The following SNTG1 variants were observed in gnomAD, a reference collection of about 807,000 sequenced individuals.
SNTG1 encodes the protein syntrophin gamma 1, also known as gamma-1-syntrophin.
SNTG1 carries 39 observed loss-of-function variants against 74.7 expected under a neutral mutation model. The ratio of observed to expected loss-of-function variants is 0.52; its 90% CI spans 0.40 to 0.68. The LOEUF (loss-of-function observed/expected upper bound fraction) is 0.68. Ranked by LOEUF, SNTG1 falls within the 30% of genes least tolerant of loss-of-function variation. The pLI, the probability that SNTG1 is intolerant of heterozygous loss-of-function variation, is 0.00. For synonymous variants in SNTG1, 254 were observed against 217.1 expected, an observed-to-expected ratio of 1.17 and a Z score of -1.49; for missense variants, 685 against 609.5, an observed-to-expected ratio of 1.12 and a Z score of -1.30.
intron 15 of SNTG1, among the ~76,000 whole-genome samples, chr8:50,660,829 A>G (rs1011580740): frequency 6.6e-6 from 1 of 152,184 alleles, no homozygotes; most frequent in Non-Finnish European, 1.5e-5. Flanking sequence ...AATATGTTCT[A>G]TCTCTTTGTT....
chr8:50,687,152 A>AT (rs1175854281), intron 15 of SNTG1, among the ~76,000 whole-genome samples: 1 of 146,324 alleles, frequency 6.8e-6, no homozygotes, highest in Non-Finnish European at 1.5e-5. Flanking sequence ...AAAAAAAAAA[A>AT]ATAAAATAAA....
intron 16 of SNTG1, among the ~76,000 whole-genome samples, chr8:50,705,075 T>G (rs2095438902): frequency 6.6e-6 from 1 of 152,200 alleles, no homozygotes. Context: ...GGTCACTTCC[T>G]GTTCTCCAAA....
chr8:49,935,235 GTGTGTT>G (rs1348653284), intron 1 of SNTG1, among the ~76,000 whole-genome samples: 17 of 145,958 alleles, frequency 1.2e-4, no homozygotes, highest in Admixed American at 9.6e-4. Flanking sequence ...GTGTGTGTGT[GTGTGTT>G]TGTGTGTGTT....
intron 11 of SNTG1, among the ~76,000 whole-genome samples, chr8:50,537,520 T>G (rs1362307217): frequency 6.6e-6 from 1 of 152,170 alleles, no homozygotes; most frequent in Non-Finnish European, 1.5e-5. Flanking sequence ...TCTTTTTATC[T>G]TGATCAGTTT....
intron 2 of SNTG1, among the ~76,000 whole-genome samples, chr8:50,325,171 A>G (rs78094625): frequency 0.018 from 2,733 of 151,286 alleles, 86 homozygotes; most frequent in African/African-American, 0.062. Flanking sequence ...CAATCCTTCA[A>G]CTTTGTTCTA....
chr8:50,182,875 C>T (rs1258510106), intron 2 of SNTG1, among the ~76,000 whole-genome samples: 1 of 152,066 alleles, frequency 6.6e-6, no homozygotes, highest in Non-Finnish European at 1.5e-5. Context: ...CAAACAAATG[C>T]TATGGAATTA....
chr8:49,948,113 A>T (rs1236269098), intron 1 of SNTG1, among the ~76,000 whole-genome samples: 1 of 152,184 alleles, frequency 6.6e-6, no homozygotes, highest in Non-Finnish European at 1.5e-5. Context: ...CCTGGGTGAC[A>T]GAGCATGACT....
chr8:50,408,734 C>T (rs891039033), intron 4 of SNTG1, among the ~76,000 whole-genome samples: 1 of 152,162 alleles, frequency 6.6e-6, no homozygotes, highest in Admixed American at 6.5e-5. Context: ...AAAACCCAGG[C>T]GTCATGCCAA....
chr8:50,760,305 T>C (rs1038999798), intron 18 of SNTG1, among the ~76,000 whole-genome samples: 2 of 152,150 alleles, frequency 1.3e-5, no homozygotes, highest in Non-Finnish European at 2.9e-5. Flanking sequence ...ATATTTTGAC[T>C]TATTCTATTC....
At chr8:50,566,479 A>T (rs1474372158) in intron 12 of SNTG1, among the ~76,000 whole-genome samples, 3 of 151,990 alleles carry the variant, frequency 2.0e-5, no homozygotes, top group Non-Finnish European at 2.9e-5. Context: ...TGTGATATTA[A>T]TTGACCAAGT....
At position 50,057,776 on chromosome 8, in the gene SNTG1, G is replaced by C. The variant is rs571810035; in HGVS notation, c.-102-114785G>C. On this transcript the variant is annotated intron_variant, in intron 1 of 18. Transcript: ENST00000642720. ...TGTTTGAGTTGCTCAACAGGACTTG[G>C]TTAGGCCCTTTCATGTCAGCACTTG... Among the ~76,000 whole-genome samples the C allele has an allele frequency of 2.9e-4, 44 of 152,144 alleles. No individual in the cohort carries two copies. In the South Asian group the frequency reaches 8.9e-3, roughly 31 times the overall value.
At chr8:50,411,397 G>A (rs563073161) in intron 4 of SNTG1, among the ~76,000 whole-genome samples, 2 of 148,826 alleles carry the variant, frequency 1.3e-5, no homozygotes, top group Non-Finnish European at 1.5e-5. Context: ...GCAGTGAGCC[G>A]AGATCTCTCC....
chr8:50,742,894 C>T (rs1341364181), intron 17 of SNTG1, among the ~76,000 whole-genome samples: 4 of 151,590 alleles, frequency 2.6e-5, no homozygotes, highest in Non-Finnish European at 5.9e-5. Flanking sequence ...ATTTTATGAG[C>T]AATTGCATTT....
chr8:50,275,329 TTTTA>T (rs1212163745), intron 2 of SNTG1, among the ~76,000 whole-genome samples: 2 of 152,188 alleles, frequency 1.3e-5, no homozygotes, highest in Non-Finnish European at 2.9e-5. Context: ...GTGTAATTGT[TTTTA>T]TTTGTTATAT....
chr8:50,316,525 G>A (rs1417547748), intron 2 of SNTG1, among the ~76,000 whole-genome samples: 2 of 152,062 alleles, frequency 1.3e-5, no homozygotes, highest in Admixed American at 6.6e-5. Context: ...CTATTATATA[G>A]CAAATCTGTC....
intron 18 of SNTG1, among the ~76,000 whole-genome samples, chr8:50,761,194 C>T (rs1021282001): frequency 8.6e-5 from 13 of 151,970 alleles, no homozygotes; most frequent in African/African-American, 2.4e-4. Flanking sequence ...TGGCTTTATC[C>T]CTGGGATCAA....
At chr8:50,460,964 C>T (rs1248501287) in intron 8 of SNTG1, among the ~76,000 whole-genome samples, 2 of 151,970 alleles carry the variant, frequency 1.3e-5, no homozygotes, top group African/African-American at 2.4e-5. Context: ...AAAGTTTGCA[C>T]TTTATTCAGA....
At chr8:50,149,465 C>T (rs2081987936) in intron 1 of SNTG1, among the ~76,000 whole-genome samples, 2 of 152,120 alleles carry the variant, frequency 1.3e-5, no homozygotes, top group African/African-American at 2.4e-5. Flanking sequence ...AAGTCCTTGC[C>T]CATGCCTATG....
rs547080711 is a variant in SNTG1 at position 50,517,324 on chromosome 8, C to T, written c.467-12853C>T. Among the ~76,000 whole-genome samples, 27 of 152,240 alleles carry T rather than the reference C, an allele frequency of 1.8e-4. No homozygotes were observed. The South Asian group carries it at 5.6e-3, about 32-fold the overall frequency. ...TAAATATGGAAAGGAAAAACCGATA[C>T]CAGCCACTGCAAAAGTATACCAAAT... is the stretch of plus-strand genomic sequence containing the variant. On this transcript the variant is annotated intron_variant, in intron 9 of 18. Coordinates refer to ENST00000642720, the MANE Select transcript of SNTG1 (RefSeq NM_018967.5).
Sources: gnomAD v4.1 joint callset for allele counts (sites outside exome capture counted in the v4.1 genomes callset) on GRCh38, gnomAD v4.1.1 for gene constraint, MANE v1.5 for transcripts, NCBI Gene and HGNC (gene_info 2026-07-23, HGNC 2026-07-21) for gene names.